The following RAD51B variants were observed in gnomAD, a reference collection of about 807,000 sequenced individuals.
The protein encoded by RAD51B is DNA repair protein RAD51 homolog 2.
RAD51B carries 38 observed loss-of-function variants against 42.2 expected under a neutral mutation model. The observed-to-expected ratio is 0.90, with a 90% CI of 0.70 to 1.18. RAD51B has a LOEUF of 1.18. Ranked by LOEUF, RAD51B falls within the 50% of genes most tolerant of loss-of-function variation. RAD51B has a pLI of 0.00. For missense variants in RAD51B, 373 were observed against 400.7 expected, an observed-to-expected ratio of 0.93 and a Z score of 0.59; for synonymous variants, 154 against 145.2, an observed-to-expected ratio of 1.06 and a Z score of -0.43.
intron 7 of RAD51B, among the ~76,000 whole-genome samples, chr14:67,922,647 C>A (rs2044362431): frequency 6.7e-6 from 1 of 149,426 alleles, no homozygotes; most frequent in Admixed American, 6.7e-5. Flanking sequence ...TTTTGGTGCA[C>A]CCATCACCCA....
chr14:68,189,713 C>G (rs1455873658), intron 7 of RAD51B, among the ~76,000 whole-genome samples: 1 of 152,088 alleles, frequency 6.6e-6, no homozygotes, highest in Middle Eastern at 3.2e-3. Flanking sequence ...GTCACCCAGG[C>G]TGGAATGTTG....
intron 8 of RAD51B, among the ~76,000 whole-genome samples, chr14:68,399,888 T>C (rs2084046903): frequency 6.6e-6 from 1 of 152,216 alleles, no homozygotes; most frequent in South Asian, 2.1e-4. Context: ...CAGTCCAGGA[T>C]TAGACATGGC....
intron 7 of RAD51B, among the ~76,000 whole-genome samples, chr14:68,226,514 T>C (rs2080042096): frequency 6.6e-6 from 1 of 152,176 alleles, no homozygotes; most frequent in Non-Finnish European, 1.5e-5. Flanking sequence ...GCTGTTTTCA[T>C]GATAGTAAAT....
At chr14:68,262,254 G>A (rs750230058) in intron 7 of RAD51B, among the ~76,000 whole-genome samples, 3 of 152,108 alleles carry the variant, frequency 2.0e-5, no homozygotes, top group Non-Finnish European at 2.9e-5. Flanking sequence ...TAAGAACAAG[G>A]TCTGCCTTTT....
At position 68,566,136 on chromosome 14, in the gene RAD51B, G is replaced by C. The variant is rs1157488820; in HGVS notation, c.1037-28349G>C. 3.3e-5 allele frequency among the ~76,000 whole-genome samples: 5 copies of C among 152,206 alleles called. No individual in the cohort carries two copies. In the East Asian group the frequency reaches 9.6e-4, roughly 29 times the overall value. On this transcript the variant is annotated intron_variant, in intron 10 of 10. Coordinates refer to the RAD51B transcript ENST00000487270. Reference sequence around the variant, plus strand: ...CCAGGACTCATCTTTCTCTGTACCTGCTGAGAAACTAACTTTACATAGCTT... The same window carrying C: ...CCAGGACTCATCTTTCTCTGTACCTCCTGAGAAACTAACTTTACATAGCTT...
At chr14:68,403,242 C>G (rs1188802124) in intron 8 of RAD51B, among the ~76,000 whole-genome samples, 1 of 152,132 alleles carries the variant, frequency 6.6e-6, no homozygotes, top group East Asian at 1.9e-4. Context: ...TCCAGAATAT[C>G]CAGTCCGCTA....
chr14:68,214,788 G>T (rs566162190), intron 7 of RAD51B, among the ~76,000 whole-genome samples: 1 of 152,184 alleles, frequency 6.6e-6, no homozygotes, highest in Non-Finnish European at 1.5e-5. Context: ...AATACAGCTC[G>T]TGTCCTTCCC....
chr14:68,334,497 A>G (rs1595720149), intron 8 of RAD51B, among the ~76,000 whole-genome samples: 1 of 152,198 alleles, frequency 6.6e-6, no homozygotes, highest in East Asian at 1.9e-4. Context: ...CAGAGGTAGA[A>G]GAGGTGGAGG....
intron 7 of RAD51B, among the ~76,000 whole-genome samples, chr14:68,039,004 A>G (rs1255539972): frequency 6.6e-6 from 1 of 152,120 alleles, no homozygotes; most frequent in African/African-American, 2.4e-5. Flanking sequence ...GATAGCTTCA[A>G]ATTAGCCATG....
intron 10 of RAD51B, among the ~76,000 whole-genome samples, chr14:68,505,273 T>A (rs1885226096): frequency 6.6e-6 from 1 of 152,158 alleles, no homozygotes; most frequent in African/African-American, 2.4e-5. Flanking sequence ...TTTTGATCAG[T>A]TTTGTACACT....
chr14:68,563,112 G>A (rs955977848), intron 10 of RAD51B: 9 of 985,340 alleles, frequency 9.1e-6, no homozygotes, highest in Non-Finnish European at 1.2e-6. Flanking sequence ...GACTCTGCCG[G>A]GTTCAGAGAG....
intron 8 of RAD51B, among the ~76,000 whole-genome samples, chr14:68,341,889 A>G (rs538621937): frequency 6.6e-6 from 1 of 152,334 alleles, no homozygotes; most frequent in South Asian, 2.1e-4. Flanking sequence ...ATGTCCACCA[A>G]TATATCACAC....
At chr14:67,972,973 G>C (rs2074926376) in intron 7 of RAD51B, among the ~76,000 whole-genome samples, 2 of 152,028 alleles carry the variant, frequency 1.3e-5, no homozygotes, top group South Asian at 4.1e-4. Flanking sequence ...ACAAGGGTAG[G>C]GATTGGTTAG....
At chr14:67,996,015 G>C (rs929539689) in intron 7 of RAD51B, among the ~76,000 whole-genome samples, 2 of 152,178 alleles carry the variant, frequency 1.3e-5, no homozygotes, top group East Asian at 3.9e-4. Context: ...GATGGTGTCA[G>C]TTCTGTGAAA....
At chr14:68,640,845 G>A (rs1272029787) in intron 10 of RAD51B, among the ~76,000 whole-genome samples, 1 of 152,208 alleles carries the variant, frequency 6.6e-6, no homozygotes, top group Admixed American at 6.5e-5. Context: ...CTAGGTGTAT[G>A]TTGGGGTGGG....
chr14:68,502,221 A>T (rs960911473), intron 10 of RAD51B, among the ~76,000 whole-genome samples: 1 of 152,280 alleles, frequency 6.6e-6, no homozygotes, highest in African/African-American at 2.4e-5. Context: ...AACCATTATC[A>T]GTCTCATCCC....
intron 7 of RAD51B, among the ~76,000 whole-genome samples, chr14:68,081,692 G>A (rs1330972045): frequency 2.0e-5 from 3 of 152,118 alleles, no homozygotes; most frequent in African/African-American, 4.8e-5. Flanking sequence ...TGTCCCCGTC[G>A]CAGGGCATGC....
chr14:67,832,437 T>A (rs1214063958), intron 3 of RAD51B, among the ~76,000 whole-genome samples: 3 of 150,874 alleles, frequency 2.0e-5, no homozygotes, highest in Non-Finnish European at 3.0e-5. Context: ...ATTGTGGAAT[T>A]TTTTACTGTT....
intron 4 of RAD51B, among the ~76,000 whole-genome samples, chr14:67,852,660 A>G (rs1204740553): frequency 6.6e-6 from 1 of 152,176 alleles, no homozygotes; most frequent in Non-Finnish European, 1.5e-5. Flanking sequence ...ACCTGATACA[A>G]TGTGGGAGGA....
Sources: allele counts gnomAD v4.1 joint callset (sites outside exome capture counted in the v4.1 genomes callset), GRCh38; gene constraint gnomAD v4.1.1; transcripts MANE v1.5; gene names NCBI Gene and HGNC (gene_info 2026-07-23, HGNC 2026-07-21).